ABL1: variants seen among roughly 807,000 people sequenced by gnomAD.
The protein encoded by ABL1 is ABL proto-oncogene 1, non-receptor tyrosine kinase.
In ABL1, 11 loss-of-function variants were observed where a neutral mutation model predicts 94.7. The ratio of observed to expected loss-of-function variants is 0.12; its 90% CI spans 0.07 to 0.19. The LOEUF (loss-of-function observed/expected upper bound fraction) is 0.19. ABL1 is among the 10% of genes least tolerant of loss of function. ABL1 has a pLI of 1.00. For missense variants in ABL1, 1,082 were observed against 1,489.4 expected (o/e 0.73, Z 4.50); for synonymous variants, 656 against 622.4 (o/e 1.05, Z -0.80).
In ABL1 at chr9:130,792,598, A is replaced by G. The variant is rs865828284; in HGVS notation, c.137-61466A>G. ...GAAGTACGGAATTGGGGGAGGGTATAAGAGGGTTTAAGATGCGTGAAAAAT... is the reference window on the plus strand; with the variant it reads ...GAAGTACGGAATTGGGGGAGGGTATGAGAGGGTTTAAGATGCGTGAAAAAT... On this transcript the variant is annotated intron_variant, in intron 1 of 10. Transcript: ENST00000372348. Among the ~76,000 whole-genome samples, 4 of 152,142 alleles carry G rather than the reference A, an allele frequency of 2.6e-5. No homozygotes were observed. The South Asian group carries it at 8.3e-4, about 32-fold the overall frequency.
intron 1 of ABL1, among the ~76,000 whole-genome samples, chr9:130,819,704 A>C (rs1419603676): frequency 6.6e-6 from 1 of 151,298 alleles, no homozygotes; most frequent in Non-Finnish European, 1.5e-5. Context: ...ATGCCCGGCT[A>C]CTTTTTTTTT....
chr9:130,878,163 G>A (rs1319465713), intron 7 of ABL1, among the ~76,000 whole-genome samples: 2 of 151,926 alleles, frequency 1.3e-5, no homozygotes, highest in Admixed American at 1.3e-4. Context: ...GTTGGCCAGG[G>A]TGGTCTTGAA....
intron 1 of ABL1, among the ~76,000 whole-genome samples, chr9:130,768,632 C>T (rs554863462): frequency 6.6e-6 from 1 of 152,180 alleles, no homozygotes; most frequent in South Asian, 2.1e-4. Flanking sequence ...TCTGTCTGAC[C>T]CTGTCTGCTG....
At chr9:130,806,426 C>T (rs921620758) in intron 1 of ABL1, among the ~76,000 whole-genome samples, 1 of 152,108 alleles carries the variant, frequency 6.6e-6, no homozygotes, top group African/African-American at 2.4e-5. Flanking sequence ...GGCTTGTATC[C>T]CAGAGAACTC....
At chr9:130,713,502 A>T (rs1032808061) in exon 1 of ABL1, among the ~76,000 whole-genome samples, 2 of 151,888 alleles carry the variant, frequency 1.3e-5, no homozygotes, top group African/African-American at 4.8e-5. Context: ...GCCGCCCCTT[A>T]TTCCGGATCC....
chr9:130,869,838 AT>A (rs1831223847), intron 4 of ABL1, among the ~76,000 whole-genome samples: 1 of 152,036 alleles, frequency 6.6e-6, no homozygotes, highest in Admixed American at 6.6e-5. Flanking sequence ...TTGGTTTTCT[AT>A]TTTGAGATGA....
intron 6 of ABL1, among the ~76,000 whole-genome samples, chr9:130,874,436 A>G (rs1419863920): frequency 1.3e-5 from 2 of 152,216 alleles, no homozygotes; most frequent in African/African-American, 4.8e-5. Context: ...TCTTGCAATC[A>G]AGGACTGGGC....
intron 3 of ABL1, among the ~76,000 whole-genome samples, chr9:130,857,339 G>C (rs373168983): frequency 2.0e-5 from 3 of 152,160 alleles, no homozygotes; most frequent in East Asian, 3.8e-4. Context: ...CACACCAACA[G>C]TTTATTATTA....
intron 1 of ABL1, among the ~76,000 whole-genome samples, chr9:130,810,897 C>T (rs146037201): frequency 6.6e-6 from 1 of 152,032 alleles, no homozygotes; most frequent in East Asian, 1.9e-4. Flanking sequence ...TGCTTAAAAC[C>T]ATGGTTTAAA....
chr9:130,851,240 C>T (rs1358553625), intron 1 of ABL1, among the ~76,000 whole-genome samples: 1 of 152,114 alleles, frequency 6.6e-6, no homozygotes. Flanking sequence ...TGTAAATAGT[C>T]GAGAAAGGGG....
At position 130,725,824 on chromosome 9, in the gene ABL1, G is replaced by GT. The variant is rs34517462; in HGVS notation, c.136+11396dup. On this transcript the variant is annotated intron_variant, in intron 1 of 10. Transcript: ENST00000372348. ...CTGTTGGTGGAACTTGTGTATGGTG[G>GT]TTTTTTTTTTTTTTTTTTTTTTTTT... Among the ~76,000 whole-genome samples the GT allele has an allele frequency of 6.0e-3, 454 of 75,980 alleles. 81 individuals are homozygous for GT. The highest frequency in any genetic ancestry group is 8.3e-3 in the Non-Finnish European group (344 of 41,364). 49.8% of individuals were successfully genotyped at this position (75,980 alleles called of 152,430 possible).
At chr9:130,866,052 G>C (rs889738210) in intron 4 of ABL1, among the ~76,000 whole-genome samples, 1 of 152,140 alleles carries the variant, frequency 6.6e-6, no homozygotes, top group African/African-American at 2.4e-5. Context: ...TGCTCATCTG[G>C]TAATATAGTG....
chr9:130,723,198 T>C (rs2082492608), intron 1 of ABL1, among the ~76,000 whole-genome samples: 1 of 152,154 alleles, frequency 6.6e-6, no homozygotes, highest in African/African-American at 2.4e-5. Context: ...GCTGTGTTCG[T>C]CCCTGCCTTT....
intron 1 of ABL1, among the ~76,000 whole-genome samples, chr9:130,737,523 C>T (rs1831759342): frequency 6.6e-6 from 1 of 152,102 alleles, no homozygotes; most frequent in Non-Finnish European, 1.5e-5. Flanking sequence ...CCCGCCTTGG[C>T]CTCCCAAAGT....
intron 1 of ABL1, among the ~76,000 whole-genome samples, chr9:130,763,578 C>T (rs550798917): frequency 8.5e-5 from 13 of 152,300 alleles, no homozygotes; most frequent in Admixed American, 7.8e-4. Context: ...CTGGGGCTGG[C>T]AGGCCTGCCT....
Position 130,750,644 on chromosome 9 carries a change from C to CTTTTTTTT in ABL1, c.136+36202_136+36209dup, listed in dbSNP as rs71389345. On this transcript the variant is annotated intron_variant, in intron 1 of 10. Transcript: ENST00000372348. ...TTCTTTTTCTTTTTTCTTTTTCTTT[C>CTTTTTTTT]TTTTTTTTTTTTTTTTTTTTGAGAC... is the stretch of plus-strand genomic sequence containing the variant. Among the ~76,000 whole-genome samples, 71 of 87,292 alleles carry CTTTTTTTT rather than the reference C, an allele frequency of 8.1e-4. 1 individual carries two copies. The highest frequency in any genetic ancestry group is 2.0e-3 in the African/African-American group (42 of 20,534). 57.3% of individuals were successfully genotyped at this position (87,292 alleles called of 152,430 possible). A position where few individuals can be genotyped will look rare whatever the true frequency, so the allele number is the denominator to read the frequency against.
chr9:130,742,239 G>T (rs1054098602), intron 1 of ABL1, among the ~76,000 whole-genome samples: 11 of 152,194 alleles, frequency 7.2e-5, no homozygotes, highest in African/African-American at 2.7e-4. Context: ...TGGGGATTAT[G>T]CTCAGCAGTG....
intron 7 of ABL1, among the ~76,000 whole-genome samples, chr9:130,876,410 TC>T (rs1831343142): frequency 7.8e-6 from 1 of 128,378 alleles, no homozygotes; most frequent in Non-Finnish European, 1.5e-5. Context: ...AATTACTTTT[TC>T]TTTTTTTTTT....
chr9:130,804,417 T>C (rs186148437), intron 1 of ABL1, among the ~76,000 whole-genome samples: 1 of 152,128 alleles, frequency 6.6e-6, no homozygotes, highest in African/African-American at 2.4e-5. Flanking sequence ...AGAAACCCCG[T>C]CTCTACTAAA....
Sources: allele counts gnomAD v4.1 joint callset (sites outside exome capture counted in the v4.1 genomes callset), GRCh38; gene constraint gnomAD v4.1.1; transcripts MANE v1.5; gene names NCBI Gene and HGNC (gene_info 2026-07-23, HGNC 2026-07-21).